Variants in FARP1 observed in about 807,000 individuals in gnomAD.
FARP1 encodes the protein FERM, ARH/RhoGEF and pleckstrin domain protein 1, also known as FERM, ARHGEF and pleckstrin domain-containing protein 1.
Under a neutral mutation model 128.8 loss-of-function variants are expected in FARP1, and 52 were observed. That is an observed-to-expected ratio of 0.40 (90% confidence interval 0.32 to 0.51). The LOEUF (loss-of-function observed/expected upper bound fraction) is 0.51. FARP1 is among the 20% of genes least tolerant of loss of function. The pLI is 0.45. For synonymous variants in FARP1, 580 were observed against 551.8 expected (o/e 1.05, Z -0.72); for missense variants, 1,333 against 1,367.9 (o/e 0.97, Z 0.40).
At position 98,143,282 on chromosome 13, in the gene FARP1, C is replaced by A. The variant is rs1463085334; in HGVS notation, c.-234C>A. On this transcript the variant is annotated 5_prime_UTR_variant, in exon 1 of 27. Coordinates refer to ENST00000319562, the MANE Select transcript of FARP1 (RefSeq NM_005766.4). ...CGGAGCCCGCTCCCCACCCACCCCG[C>A]CTGCTCCGCCCTCCCCTCCGCCCCG... is the stretch of plus-strand genomic sequence containing the variant. The A allele has an allele frequency of 6.7e-6, 1 of 149,420 alleles. No individual in the cohort carries two copies. Among genetic ancestry groups the A allele is most frequent in the African/African-American group, 2.4e-5 (1 of 41,100 alleles). 9.3% of individuals were successfully genotyped at this position (149,420 alleles called of 1,614,324 possible).
chr13:98,236,649 T>A (rs1882437795), intron 2 of FARP1, among the ~76,000 whole-genome samples: 1 of 152,206 alleles, frequency 6.6e-6, no homozygotes, highest in South Asian at 2.1e-4. Context: ...ATGTTGGTAG[T>A]CTATTTTATC....
chr13:98,368,230 A>C, intron 5 of FARP1, 35 bp downstream of exon 5: 1 of 1,461,304 alleles, frequency 6.8e-7, no homozygotes, highest in South Asian at 1.2e-5. Flanking sequence ...TTTTTGCTAC[A>C]GAGTACAGAG....
intron 2 of FARP1, among the ~76,000 whole-genome samples, chr13:98,312,717 A>C (rs1245311283): frequency 6.6e-6 from 1 of 152,162 alleles, no homozygotes; most frequent in South Asian, 2.1e-4. Flanking sequence ...AATTTGAAGC[A>C]TCTCTTACAT....
At chr13:98,420,135 T>C (rs1891538767) in intron 16 of FARP1, among the ~76,000 whole-genome samples, 1 of 152,188 alleles carries the variant, frequency 6.6e-6, no homozygotes, top group Non-Finnish European at 1.5e-5. Flanking sequence ...CAGCACACTG[T>C]GAACTGTTTA....
At chr13:98,341,692 T>C (rs752215973) in intron 2 of FARP1, among the ~76,000 whole-genome samples, 1 of 152,176 alleles carries the variant, frequency 6.6e-6, no homozygotes. Context: ...GGCAATGTCG[T>C]GAAAGCATTT....
At chr13:98,152,701 T>C (rs927486940) in intron 1 of FARP1, among the ~76,000 whole-genome samples, 4 of 152,208 alleles carry the variant, frequency 2.6e-5, no homozygotes, top group African/African-American at 7.2e-5. Flanking sequence ...AATTGGGAGA[T>C]TTTATCTTTC....
At chr13:98,286,414 G>A (rs1038343655) in intron 2 of FARP1, among the ~76,000 whole-genome samples, 7 of 152,194 alleles carry the variant, frequency 4.6e-5, no homozygotes, top group African/African-American at 1.7e-4. Flanking sequence ...GACCCCATGG[G>A]AGATAATTGA....
rs1240122723 is a variant in FARP1 at position 98,214,313 on chromosome 13, C to T, written c.171+900C>T. Among the ~76,000 whole-genome samples the T allele has an allele frequency of 3.3e-5, 5 of 151,996 alleles. No homozygotes were observed. In the East Asian group the frequency reaches 5.8e-4, roughly 18 times the overall value. ...AAGCAGCAGGCCCACTCCCTCTCAT[C>T]GGCTCAGTCCAGAGAACTCTTAACA... On this transcript the variant is annotated intron_variant, in intron 2 of 26. Transcript: ENST00000319562.
At chr13:98,440,859 TG>T in intron 24 of FARP1, 23 bp downstream of exon 24, 1 of 1,572,204 alleles carries the variant, frequency 6.4e-7, no homozygotes, top group Non-Finnish European at 8.6e-7. Flanking sequence ...AGGGCAGCTC[TG>T]GTTCCCAGCT....
intron 11 of FARP1, 34 bp from the exon 12 acceptor site, chr13:98,393,608 AC>A: frequency 6.4e-7 from 1 of 1,558,646 alleles, no homozygotes; most frequent in Non-Finnish European, 8.8e-7. Flanking sequence ...CAAAAACCTC[AC>A]CTAACTTTAA....
At chr13:98,323,283 T>C (rs1398415236) in intron 2 of FARP1, among the ~76,000 whole-genome samples, 1 of 152,118 alleles carries the variant, frequency 6.6e-6, no homozygotes, top group Non-Finnish European at 1.5e-5. Flanking sequence ...CACAGTTTCA[T>C]TAATATATTT....
In FARP1 at chr13:98,392,731, T is replaced by A. The variant is rs936112801; in HGVS notation, c.1089-912T>A. ...TGTTTTGATTTTGCTGAAATAAACC[T>A]GCTTCTGTGGCCATCCCTGCATCTT... is the stretch of plus-strand genomic sequence containing the variant. On this transcript the variant is annotated intron_variant, in intron 11 of 26. Transcript: ENST00000319562. 3.3e-5 allele frequency among the ~76,000 whole-genome samples: 5 copies of A among 152,292 alleles called. 1 individual carries two copies. Among genetic ancestry groups the A allele is most frequent in the Admixed American group, 6.5e-5 (1 of 15,302 alleles).
At chr13:98,152,364 G>C (rs947582138) in intron 1 of FARP1, among the ~76,000 whole-genome samples, 2 of 152,188 alleles carry the variant, frequency 1.3e-5, no homozygotes, top group East Asian at 1.9e-4. Flanking sequence ...TTCCCAGAAG[G>C]CTCCAGCATC....
At chr13:98,154,708 A>G (rs1195090012) in intron 1 of FARP1, among the ~76,000 whole-genome samples, 2 of 152,184 alleles carry the variant, frequency 1.3e-5, no homozygotes, top group African/African-American at 4.8e-5. Flanking sequence ...AAATAAAATT[A>G]CCGAAGCAAC....
chr13:98,196,907 T>C (rs1879598411), intron 1 of FARP1, among the ~76,000 whole-genome samples: 1 of 152,252 alleles, frequency 6.6e-6, no homozygotes, highest in Admixed American at 6.5e-5. Context: ...CTATTGTAAT[T>C]AATCATTAAT....
chr13:98,449,646 GAA>G lies in FARP1; in HGVS notation c.*1330_*1331del, dbSNP rs1893090103. On this transcript the variant is annotated 3_prime_UTR_variant, in exon 27 of 27. Transcript: ENST00000319562. ...AACAAACAGCAACTTGCAAACGGAC[GAA>G]GAGCCTGCCGTGTGTTAATCATTTG... 6.6e-6 allele frequency: 1 copy of G among 152,600 alleles called. No homozygotes were observed. The allele number at this position is 152,600 out of a possible 1,614,324, so 9.5% of individuals were successfully genotyped here.
intron 2 of FARP1, among the ~76,000 whole-genome samples, chr13:98,305,613 C>G (rs1312443357): frequency 6.6e-6 from 1 of 152,196 alleles, no homozygotes; most frequent in East Asian, 1.9e-4. Context: ...GAATTACAGG[C>G]GTGAGCCACC....
chr13:98,191,347 G>T (rs1392534581), intron 1 of FARP1, among the ~76,000 whole-genome samples: 2 of 152,202 alleles, frequency 1.3e-5, no homozygotes, highest in Non-Finnish European at 2.9e-5. Context: ...CAACAGAAAT[G>T]AAACTAAATA....
At chr13:98,328,667 A>G (rs1887338894) in intron 2 of FARP1, 1 of 152,210 alleles carries the variant, frequency 6.6e-6, no homozygotes, top group Admixed American at 6.5e-5. Flanking sequence ...TCGCTTTGAC[A>G]TACCCCAGTT....
Sources: gnomAD v4.1 joint callset for allele counts (sites outside exome capture counted in the v4.1 genomes callset) on GRCh38, gnomAD v4.1.1 for gene constraint, MANE v1.5 for transcripts, NCBI Gene and HGNC (gene_info 2026-07-23, HGNC 2026-07-21) for gene names.